The following PEPD variants were observed in gnomAD, a reference collection of about 807,000 sequenced individuals.
PEPD encodes the protein xaa-Pro dipeptidase.
A neutral mutation model predicts 60.7 loss-of-function variants in PEPD; 53 were observed. The observed-to-expected ratio is 0.87, with a 90% CI of 0.70 to 1.10. The LOEUF is 1.10. Among genes scored for constraint, PEPD ranks in the 50% least tolerant of loss-of-function variants. PEPD has a pLI of 0.00. For missense variants in PEPD, 711 were observed against 711.9 expected, an observed-to-expected ratio of 1.00 and a Z score of 0.01; for synonymous variants, 267 against 284.1, an observed-to-expected ratio of 0.94 and a Z score of 0.60.
intron 9 of PEPD, among the ~76,000 whole-genome samples, chr19:33,454,144 G>T (rs1000850702): frequency 5.3e-5 from 8 of 152,148 alleles, no homozygotes; most frequent in Non-Finnish European, 1.2e-4. Context: ...AACCCGCAAT[G>T]CCAGAAAGGA....
intron 3 of PEPD, among the ~76,000 whole-genome samples, chr19:33,506,125 C>A (rs576009050): frequency 8.2e-4 from 120 of 145,464 alleles, no homozygotes; most frequent in African/African-American, 2.8e-3. Flanking sequence ...ACACCCTACA[C>A]ACACATCCAC....
At chr19:33,443,959 C>G (rs1269033900) in intron 9 of PEPD, among the ~76,000 whole-genome samples, 1 of 150,566 alleles carries the variant, frequency 6.6e-6, no homozygotes, top group Non-Finnish European at 1.5e-5. Context: ...TGCATGCATA[C>G]AAGTGCACGC....
intron 9 of PEPD, among the ~76,000 whole-genome samples, chr19:33,428,719 G>A (rs1156468789): frequency 2.6e-5 from 4 of 152,070 alleles, no homozygotes; most frequent in Non-Finnish European, 4.4e-5. Context: ...GCACCCTCCC[G>A]TTCCCTCCCA....
intron 5 of PEPD, among the ~76,000 whole-genome samples, chr19:33,491,562 G>A (rs1406309003): frequency 6.6e-6 from 1 of 152,166 alleles, no homozygotes; most frequent in Non-Finnish European, 1.5e-5. Context: ...CAGCAGTTTT[G>A]CCACGAGAGT....
chr19:33,423,822 C>G (rs1170556757), intron 9 of PEPD, among the ~76,000 whole-genome samples: 2 of 152,128 alleles, frequency 1.3e-5, no homozygotes, highest in Non-Finnish European at 2.9e-5. Flanking sequence ...TTGGCTAGAT[C>G]TGTTACATTT....
At chr19:33,405,287 A>C (rs1189679812) in intron 11 of PEPD, among the ~76,000 whole-genome samples, 2 of 152,228 alleles carry the variant, frequency 1.3e-5, no homozygotes, top group Admixed American at 1.3e-4. Context: ...TCGGCCAGTG[A>C]CGGAAGGCTT....
At chr19:33,390,809 G>A (rs1208734102) in intron 13 of PEPD, among the ~76,000 whole-genome samples, 1 of 152,198 alleles carries the variant, frequency 6.6e-6, no homozygotes, top group Non-Finnish European at 1.5e-5. Context: ...GGCCTGGGAG[G>A]AGAGGGCGAA....
intron 6 of PEPD, among the ~76,000 whole-genome samples, chr19:33,489,026 A>G (rs1303326306): frequency 6.6e-6 from 1 of 152,144 alleles, no homozygotes; most frequent in Admixed American, 6.5e-5. Flanking sequence ...CCCCAGGGCC[A>G]GTCACCAGCC....
At chr19:33,506,971 C>T (rs12973979) in intron 3 of PEPD, among the ~76,000 whole-genome samples, 1 of 149,134 alleles carries the variant, frequency 6.7e-6, no homozygotes, top group Non-Finnish European at 1.5e-5. Context: ...CAACATATGT[C>T]CTCTCCACAT....
chr19:33,387,523 CAT>C lies in PEPD; in HGVS notation c.1345-44_1345-43del, dbSNP rs780411087. On this transcript the variant is annotated intron_variant, in intron 14 of 14. Transcript: ENST00000244137. ...GACACACATTATCATAGAGCAGCCT[CAT>C]GTGCCAGGCTAGAGGGCCGGGCCCA... The C allele has an allele frequency of 7.4e-6, 12 of 1,611,044 alleles. No homozygotes were observed. The Admixed American group carries it at 8.3e-5, about 11-fold the overall frequency.
chr19:33,428,090 C>G (rs530485611), intron 9 of PEPD, among the ~76,000 whole-genome samples: 6 of 152,294 alleles, frequency 3.9e-5, no homozygotes, highest in African/African-American at 1.2e-4. Context: ...TCTGGGCCCC[C>G]CTCCTGCATA....
intron 9 of PEPD, among the ~76,000 whole-genome samples, chr19:33,431,361 G>A (rs1969270870): frequency 6.6e-6 from 1 of 152,196 alleles, no homozygotes; most frequent in African/African-American, 2.4e-5. Context: ...TGAATGTCCA[G>A]GTCCCCGCCG....
chr19:33,457,084 A>G (rs1361460389), intron 9 of PEPD, among the ~76,000 whole-genome samples: 1 of 148,560 alleles, frequency 6.7e-6, no homozygotes, highest in Non-Finnish European at 1.5e-5. Flanking sequence ...GGGCACAGGC[A>G]TCCGAGATAC....
chr19:33,494,310 T>C (rs908873652), intron 4 of PEPD, among the ~76,000 whole-genome samples: 4 of 152,200 alleles, frequency 2.6e-5, no homozygotes, highest in African/African-American at 9.6e-5. Context: ...GGAGAACTTG[T>C]TGTTGTTTTA....
intron 9 of PEPD, among the ~76,000 whole-genome samples, chr19:33,438,762 C>CAG (rs1461531888): frequency 3.3e-5 from 5 of 152,264 alleles, no homozygotes; most frequent in Admixed American, 2.0e-4. Flanking sequence ...GTCGCCCAGG[C>CAG]TGGAGTGCAG....
chr19:33,513,185 G>T (rs527953393), intron 1 of PEPD, among the ~76,000 whole-genome samples: 1 of 152,184 alleles, frequency 6.6e-6, no homozygotes, highest in South Asian at 2.1e-4. Flanking sequence ...TACCAGGCAG[G>T]CCCCTGGCTC....
intron 9 of PEPD, among the ~76,000 whole-genome samples, chr19:33,438,809 G>A (rs777370038): frequency 1.3e-5 from 2 of 152,206 alleles, no homozygotes; most frequent in Non-Finnish European, 2.9e-5. Context: ...TCTGCCTCCC[G>A]GGTTCATTCA....
intron 9 of PEPD, among the ~76,000 whole-genome samples, chr19:33,436,191 G>A (rs933288922): frequency 8.6e-5 from 13 of 151,678 alleles, no homozygotes; most frequent in Admixed American, 7.2e-4. Flanking sequence ...GGAGGAAGAG[G>A]AGAAGGAAGA....
chr19:33,465,620 A>C (rs2145276461), intron 7 of PEPD, among the ~76,000 whole-genome samples: 1 of 152,166 alleles, frequency 6.6e-6, no homozygotes, highest in East Asian at 1.9e-4. Context: ...TCTGACACAC[A>C]CGCTGATCCT....
Sources: allele counts gnomAD v4.1 joint callset (sites outside exome capture counted in the v4.1 genomes callset), GRCh38; gene constraint gnomAD v4.1.1; transcripts MANE v1.5; gene names NCBI Gene and HGNC (gene_info 2026-07-23, HGNC 2026-07-21).